The following ABCC4 variants were observed in gnomAD, a reference collection of about 807,000 sequenced individuals.
ABCC4 encodes the protein ATP-binding cassette sub-family C member 4.
Under a neutral mutation model 168.5 loss-of-function variants are expected in ABCC4, and 102 were observed. That is an observed-to-expected ratio of 0.61 (90% confidence interval 0.52 to 0.71). The LOEUF (loss-of-function observed/expected upper bound fraction) is 0.71, where lower values mean the gene tolerates loss of function less well. Among genes scored for constraint, ABCC4 ranks in the 30% least tolerant of loss-of-function variants. The probability of loss-of-function intolerance (pLI) is 0.00; values close to 1 mark genes in which losing one functional copy is unlikely to be tolerated. For missense variants in ABCC4, 1,402 were observed against 1,605.8 expected, an observed-to-expected ratio of 0.87 and a Z score of 2.17; for synonymous variants, 617 against 590.7, an observed-to-expected ratio of 1.04 and a Z score of -0.65.
intron 4 of ABCC4, among the ~76,000 whole-genome samples, chr13:95,213,225 G>A (rs531926290): frequency 2.9e-4 from 44 of 151,344 alleles, no homozygotes; most frequent in Middle Eastern, 3.5e-3. Context: ...AAACTGTAAC[G>A]TTGGGCAAAA....
chr13:95,162,767 A>T (rs1462507212), intron 18 of ABCC4, among the ~76,000 whole-genome samples: 2 of 152,220 alleles, frequency 1.3e-5, no homozygotes, highest in African/African-American at 4.8e-5. Flanking sequence ...TCCGAACCAC[A>T]GGGTGGAGAT....
chr13:95,246,983 A>T lies in ABCC4; in HGVS notation c.298T>A (p.Leu100Ile). The T allele has an allele frequency of 1.2e-6, 2 of 1,612,052 alleles. No individual in the cohort carries two copies. The highest frequency in any genetic ancestry group is 1.7e-6 in the Non-Finnish European group (2 of 1,179,036). Residue 100 changes from leucine to isoleucine, a missense_variant, in exon 3 of 31, where the codon TTA becomes ATA. Transcript: ENST00000645237. ...TATGTAAAAGCTTTTACCTCAATTA[A>T]CGTAAAAATTCCCAAAACTAAATAA... Reference protein sequence around the residue: ...KSYLVLGIFTLIEESAKVIQP... With the variant: ...KSYLVLGIFTIIEESAKVIQP...
At chr13:95,163,418 T>A (rs573101418) in intron 17 of ABCC4, among the ~76,000 whole-genome samples, 192 bp downstream of exon 17, 1 of 152,152 alleles carries the variant, frequency 6.6e-6, no homozygotes, top group Non-Finnish European at 1.5e-5. Flanking sequence ...GTGAACATGA[T>A]GCCGCGGATC....
chr13:95,205,834 T>C (rs962716511), intron 8 of ABCC4, among the ~76,000 whole-genome samples: 1 of 152,168 alleles, frequency 6.6e-6, no homozygotes. Flanking sequence ...TGTCCTTCTG[T>C]TTCCTCCACG....
intron 8 of ABCC4, among the ~76,000 whole-genome samples, chr13:95,202,951 C>T (rs972993819): frequency 6.6e-6 from 1 of 152,148 alleles, no homozygotes; most frequent in Non-Finnish European, 1.5e-5. Flanking sequence ...TGAGCCATCG[C>T]GCCTGGCCGC....
chr13:95,284,252 T>C (rs1185523948), intron 1 of ABCC4, among the ~76,000 whole-genome samples: 2 of 152,130 alleles, frequency 1.3e-5, no homozygotes, highest in African/African-American at 4.8e-5. Context: ...AGGGGTGCGA[T>C]CATGTGTCAC....
intron 19 of ABCC4, chr13:95,148,763 T>C (rs1270897645): frequency 6.6e-6 from 1 of 152,046 alleles, no homozygotes; most frequent in Admixed American, 6.5e-5. Context: ...ATGAGCTGTA[T>C]TAGAAAAAAA....
At chr13:95,056,112 G>A (rs1303921537) in intron 26 of ABCC4, among the ~76,000 whole-genome samples, 1 of 152,114 alleles carries the variant, frequency 6.6e-6, no homozygotes, top group Non-Finnish European at 1.5e-5. Flanking sequence ...CTGGGACCAA[G>A]ACAAAAATCG....
At position 95,083,277 on chromosome 13, in the gene ABCC4, A is replaced by C; in HGVS notation, c.2549T>G (p.Val850Gly). 1 of 1,613,656 alleles carries C rather than the reference A, an allele frequency of 6.2e-7. No homozygotes were observed. The highest frequency in any genetic ancestry group is 8.5e-7 in the Non-Finnish European group (1 of 1,179,820). The change falls in exon 21 of 31, where the codon GTG becomes GGG. Residue 850 changes from valine to glycine, a missense_variant. Physicochemically the swap from Val to Gly is moderately radical, Grantham distance 109. This residue lies in a region of ABCC4 where 1,007 missense variants were observed against 1,127.3 expected (regional missense o/e 0.89). Coordinates refer to ENST00000645237, the MANE Select transcript of ABCC4 (RefSeq NM_005845.5). ...FLDFIQTLLQ[V>G]VGVVSVAVAV... ...CACAGCCACAGAGACCACACCAACC[A>C]CTTGTAGCAATGTCTGAAATAGCAG... is the stretch of plus-strand genomic sequence containing the variant.
chr13:95,160,772 G>T (rs114690637), intron 19 of ABCC4, among the ~76,000 whole-genome samples: 4,344 of 152,244 alleles, frequency 0.029, 178 homozygotes, highest in African/African-American at 0.094. Context: ...TCTCACGTCA[G>T]AGCATTCCTG....
intron 27 of ABCC4, among the ~76,000 whole-genome samples, chr13:95,052,390 T>C (rs2032880496): frequency 6.6e-6 from 1 of 152,186 alleles, no homozygotes; most frequent in Non-Finnish European, 1.5e-5. Context: ...TTTGCAGAAC[T>C]AGACTGAACA....
Position 95,164,402 on chromosome 13 carries a change from A to G in ABCC4, c.2151T>C (p.Leu717=), listed in dbSNP as rs191505866. 24 of 1,614,206 alleles carry G rather than the reference A, an allele frequency of 1.5e-5. No individual in the cohort carries two copies. The highest frequency in any genetic ancestry group is 1.9e-5 in the Non-Finnish European group (23 of 1,180,024). The change falls in exon 16 of 31, where the codon CTT becomes CTC. Residue 717 remains leucine (L), a synonymous_variant. Transcript: ENST00000645237. ...AGAHWIVFIF[L]ILLNTAAQVA... is the part of the protein sequence containing the mutation. ...CCTGAGCTGCAGTGTTTAGGAGAATAAGGAAAATGAAGACAATCCAGTGAG... is the reference window on the plus strand; with the variant it reads ...CCTGAGCTGCAGTGTTTAGGAGAATGAGGAAAATGAAGACAATCCAGTGAG...
At chr13:95,211,193 G>A (rs1419787018) in intron 4 of ABCC4, among the ~76,000 whole-genome samples, 3 of 152,150 alleles carry the variant, frequency 2.0e-5, no homozygotes, top group East Asian at 1.9e-4. Context: ...TTAAACACAT[G>A]GGGCCTTAGT....
chr13:95,169,889 C>G (rs2037408359), intron 14 of ABCC4, among the ~76,000 whole-genome samples: 1 of 152,164 alleles, frequency 6.6e-6, no homozygotes, highest in African/African-American at 2.4e-5. Context: ...CAGAGTCTCA[C>G]TCTGTAGCCC....
At chr13:95,034,332 AGTCTG>A (rs1157614721) in intron 30 of ABCC4, among the ~76,000 whole-genome samples, 12 of 152,200 alleles carry the variant, frequency 7.9e-5, no homozygotes, top group African/African-American at 2.9e-4. Flanking sequence ...ATGTGTAAAA[AGTCTG>A]GTCTAACACC....
At chr13:95,063,057 A>T (rs978665844) in intron 25 of ABCC4, among the ~76,000 whole-genome samples, 198 bp from the exon 26 acceptor site, 45 of 152,300 alleles carry the variant, frequency 3.0e-4, no homozygotes, top group Middle Eastern at 3.4e-3. Flanking sequence ...TGCCCCAGGC[A>T]TTGTGGGAGG....
At chr13:95,047,213 A>G in intron 27 of ABCC4, among the ~76,000 whole-genome samples, 1 of 152,218 alleles carries the variant, frequency 6.6e-6, no homozygotes, top group Non-Finnish European at 1.5e-5. Flanking sequence ...TTGAAGACAC[A>G]CAGCATGGGT....
chr13:95,224,662 G>A (rs374901552), intron 4 of ABCC4, among the ~76,000 whole-genome samples: 1 of 152,096 alleles, frequency 6.6e-6, no homozygotes, highest in African/African-American at 2.4e-5. Flanking sequence ...ACTTGAACCC[G>A]GGAGGCGGAG....
intron 1 of ABCC4, among the ~76,000 whole-genome samples, chr13:95,258,685 A>G (rs2040452965): frequency 6.6e-6 from 1 of 152,074 alleles, no homozygotes; most frequent in Admixed American, 6.6e-5. Flanking sequence ...TGAACGAGTG[A>G]GTGACTCTCC....
Sources: gnomAD v4.1 joint callset for allele counts (sites outside exome capture counted in the v4.1 genomes callset) on GRCh38, gnomAD v4.1.1 for gene constraint, gnomAD v4.1.1 regional missense constraint, MANE v1.5 for transcripts, NCBI Gene and HGNC (gene_info 2026-07-23, HGNC 2026-07-21) for gene names.